Variants in ABCB11 observed in about 807,000 individuals in gnomAD.
ABCB11 encodes bile salt export pump.
Under a neutral mutation model 148.0 loss-of-function variants are expected in ABCB11, and 95 were observed. The observed-to-expected ratio is 0.64, with a 90% CI of 0.54 to 0.76. The LOEUF (loss-of-function observed/expected upper bound fraction) is 0.76. Among genes scored for constraint, ABCB11 ranks in the 30% least tolerant of loss-of-function variants. ABCB11 has a pLI of 0.00. For missense variants in ABCB11, 1,523 were observed against 1,617.8 expected (o/e 0.94, Z 1.01); for synonymous variants, 591 against 555.4 (o/e 1.06, Z -0.90).
chr2:168,951,345 G>A (rs1354763214), intron 19 of ABCB11, among the ~76,000 whole-genome samples: 1 of 151,662 alleles, frequency 6.6e-6, no homozygotes, highest in Non-Finnish European at 1.5e-5. Context: ...GGTTTGGGAA[G>A]TATGGTCATT....
chr2:168,930,845 C>G lies in ABCB11; in HGVS notation c.3231G>C (p.Lys1077Asn), dbSNP rs919455454. 6.2e-7 allele frequency: 1 copy of G among 1,601,960 alleles called. No homozygotes were observed. Among genetic ancestry groups the G allele is most frequent in the Non-Finnish European group, 8.5e-7 (1 of 1,174,352 alleles). Residue 1077 changes from lysine (K) to asparagine (N), a missense_variant, in exon 25 of 28, where the codon AAG (lysine) becomes AAC (asparagine). Transcript: ENST00000650372. ...AGEKWDNFQGKIDFVDCKFTY... is the reference protein window; with the variant it reads ...AGEKWDNFQGNIDFVDCKFTY... The stretch of plus-strand genomic sequence containing the variant: ...TAAATTTACAATCAACAAAATCAAT[C>G]TTCCCCTGGAAGTTGTCCTGTGGAT...
intron 16 of ABCB11, among the ~76,000 whole-genome samples, chr2:168,968,849 A>G (rs1693436155): frequency 6.6e-6 from 1 of 151,856 alleles, no homozygotes; most frequent in African/African-American, 2.4e-5. Flanking sequence ...TAACCCTCCT[A>G]TGTTAAATGT....
rs971116833 is a variant in ABCB11, at chr2:168,971,853, C to T, written c.1632G>A (p.Leu544=). The T allele has an allele frequency of 1.2e-6, 2 of 1,612,428 alleles. No homozygotes were observed. Among genetic ancestry groups the T allele is most frequent in the East Asian group, 2.2e-5 (1 of 44,802 alleles). ...EANAYNFIMD[L]PQQFDTLVGE... is the part of the protein sequence containing the mutation. ...AATGTATGGCTAGGGGTACCTGTGG[C>T]AGGTCCATGATGAAGTTGTAGGCAT... Residue 544 remains leucine (L), a synonymous_variant, in exon 14 of 28, where the codon CTG becomes CTA. Coordinates refer to ENST00000650372, the MANE Select transcript of ABCB11 (RefSeq NM_003742.4).
chr2:169,001,894 T>G (rs1209834867), intron 5 of ABCB11, among the ~76,000 whole-genome samples: 2 of 152,088 alleles, frequency 1.3e-5, no homozygotes, highest in African/African-American at 4.8e-5. Context: ...GCCAGTTGAC[T>G]TTTTCCCCCC....
intron 19 of ABCB11, among the ~76,000 whole-genome samples, chr2:168,949,680 A>G (rs1225855471): frequency 6.6e-6 from 1 of 151,646 alleles, no homozygotes; most frequent in Non-Finnish European, 1.5e-5. Context: ...TCTTTTTGAC[A>G]TAATGACTTC....
At chr2:168,934,878 C>T (rs776426520) in intron 23 of ABCB11, among the ~76,000 whole-genome samples, 4 of 152,188 alleles carry the variant, frequency 2.6e-5, no homozygotes, top group Non-Finnish European at 5.9e-5. Context: ...TTGAAAAGTA[C>T]TTGCACAGTG....
chr2:168,993,694 C>T lies in ABCB11; in HGVS notation c.783+17G>A. ...GCAAATGTCTTCCCATGGAGAGATGCAAAAAGACATTCTTACCAGACCAAT... is the reference window on the plus strand; with the variant it reads ...GCAAATGTCTTCCCATGGAGAGATGTAAAAAGACATTCTTACCAGACCAAT... On this transcript the variant is annotated intron_variant, in intron 8 of 27. Transcript: ENST00000650372. 1.2e-6 allele frequency: 2 copies of T among 1,602,254 alleles called. No individual in the cohort carries two copies. The highest frequency in any genetic ancestry group is 1.1e-5 in the South Asian group (1 of 88,956).
intron 21 of ABCB11, 92 bp from the exon 22 acceptor site, chr2:168,936,525 G>A: frequency 4.3e-6 from 5 of 1,156,212 alleles, no homozygotes; most frequent in Non-Finnish European, 6.4e-6. Context: ...TTATAAAGTT[G>A]TGATAAAATA....
intron 26 of ABCB11, among the ~76,000 whole-genome samples, chr2:168,925,120 ACT>A (rs1691246363): frequency 6.6e-6 from 1 of 151,968 alleles, no homozygotes; most frequent in Non-Finnish European, 1.5e-5. Flanking sequence ...TTGATTTGAG[ACT>A]CTCTGATTCT....
intron 5 of ABCB11, among the ~76,000 whole-genome samples, chr2:168,997,954 A>G (rs1694764580): frequency 6.6e-6 from 1 of 152,016 alleles, no homozygotes; most frequent in Non-Finnish European, 1.5e-5. Context: ...AGGAAGGGAA[A>G]TAACTGCTGT....
At chr2:169,011,806 G>A (rs1437911661) in intron 5 of ABCB11, among the ~76,000 whole-genome samples, 1 of 151,918 alleles carries the variant, frequency 6.6e-6, no homozygotes, top group Non-Finnish European at 1.5e-5. Flanking sequence ...GGATGACAGG[G>A]GCACACCACA....
intron 5 of ABCB11, among the ~76,000 whole-genome samples, chr2:169,005,357 G>T (rs1694987987): frequency 2.0e-5 from 3 of 152,026 alleles, no homozygotes; most frequent in Admixed American, 2.0e-4. Flanking sequence ...CCTCTCCTTG[G>T]GCGGGGCTTG....
Position 168,979,950 on chromosome 2 carries a change from T to C in ABCB11, c.1113A>G (p.Leu371=), listed in dbSNP as rs369132677. Residue 371 remains leucine, a synonymous_variant, in exon 11 of 28, where the codon TTA becomes TTG. Transcript: ENST00000650372. ...AACAAGGAGAGGCATTGCCAAGATT[T>C]AAAGCTCCTACTATGACACTGAGGA... The part of the protein sequence containing the change: ...QIFLSVIVGA[L]NLGNASPCLE... 4.5e-5 allele frequency: 72 copies of C among 1,609,978 alleles called. No homozygotes were observed. Among genetic ancestry groups the C allele is most frequent in the Non-Finnish European group, 5.9e-5 (69 of 1,177,144 alleles).
intron 21 of ABCB11, among the ~76,000 whole-genome samples, chr2:168,938,575 G>C (rs551127137): frequency 6.6e-6 from 1 of 151,966 alleles, no homozygotes; most frequent in African/African-American, 2.4e-5. Flanking sequence ...TCTTTGGAAC[G>C]GTAAAACATT....
rs1237643979 is a variant in ABCB11 at position 168,923,556 on chromosome 2, GT to G, written c.*65del. ...CCCAGCAATCCCTCCTGCTGGGATT[GT>G]TTTTTTCTTTAAAAACAACCCCTGT... is the stretch of plus-strand genomic sequence containing the variant. On this transcript the variant is annotated 3_prime_UTR_variant, in exon 28 of 28. Coordinates refer to ENST00000650372, the MANE Select transcript of ABCB11 (RefSeq NM_003742.4). 6 of 1,481,806 alleles carry G rather than the reference GT, an allele frequency of 4.0e-6. No individual in the cohort carries two copies. Among genetic ancestry groups the G allele is most frequent in the Admixed American group, 1.7e-5 (1 of 58,210 alleles). 91.8% of individuals were successfully genotyped at this position (1,481,806 alleles called of 1,614,324 possible).
rs1486107533 is a variant in ABCB11, at chr2:168,971,973, C to T, written c.1512G>A (p.Glu504=). The stretch of plus-strand genomic sequence containing the variant: ...CAATGGTGGTAGAGAACAGAACTGG[C>T]TCTTGCTCCACTATCCCAATCTGAT... ...LRDQIGIVEQ[E]PVLFSTTIAE... The change falls in exon 14 of 28, where the codon GAG becomes GAA. Residue 504 remains glutamate (E), a synonymous_variant. Coordinates refer to ENST00000650372, the MANE Select transcript of ABCB11 (RefSeq NM_003742.4). 3 of 1,613,034 alleles carry T rather than the reference C, an allele frequency of 1.9e-6. No individual in the cohort carries two copies. The highest frequency in any genetic ancestry group is 1.7e-5 in the Admixed American group (1 of 59,874).
chr2:168,986,078 A>G (rs752848093), intron 10 of ABCB11, 32 bp downstream of exon 10: 3 of 1,451,746 alleles, frequency 2.1e-6, no homozygotes, highest in Non-Finnish European at 2.7e-6. Flanking sequence ...CCAGAAGGAA[A>G]TGCTATGTCT....
chr2:168,943,931 A>T (rs853790), intron 21 of ABCB11, among the ~76,000 whole-genome samples: 75,016 of 151,454 alleles, frequency 0.5, 19,480 homozygotes, highest in South Asian at 0.66. Flanking sequence ...AGGGTTTTTT[A>T]AAAAATTTTC....
intron 27 of ABCB11, among the ~76,000 whole-genome samples, 175 bp downstream of exon 27, chr2:168,924,482 C>A (rs1173067761): frequency 2.0e-5 from 3 of 152,064 alleles, no homozygotes; most frequent in Non-Finnish European, 4.4e-5. Flanking sequence ...TTTTTTGAAG[C>A]AATCTTATAT....
Sources: allele counts gnomAD v4.1 joint callset (sites outside exome capture counted in the v4.1 genomes callset), GRCh38; gene constraint gnomAD v4.1.1; transcripts MANE v1.5; gene names NCBI Gene and HGNC (gene_info 2026-07-23, HGNC 2026-07-21).